LARGE1: variants seen among roughly 807,000 people sequenced by gnomAD.
The protein encoded by LARGE1 is xylosyl- and glucuronyltransferase LARGE1.
Under a neutral mutation model 87.6 loss-of-function variants are expected in LARGE1, and 43 were observed. The observed-to-expected ratio is 0.49, with a 90% CI of 0.38 to 0.63. The LOEUF is 0.63. Ranked by LOEUF, LARGE1 falls within the 30% of genes least tolerant of loss-of-function variation. LARGE1 has a pLI of 0.00. For synonymous variants in LARGE1, 434 were observed against 394.6 expected (o/e 1.10, Z -1.18); for missense variants, 802 against 1,000.2 (o/e 0.80, Z 2.67).
At chr22:33,294,198 C>A (rs139136848) in intron 12 of LARGE1, among the ~76,000 whole-genome samples, 1 of 152,216 alleles carries the variant, frequency 6.6e-6, no homozygotes, top group Non-Finnish European at 1.5e-5. Flanking sequence ...GACTTCTTTG[C>A]GGTGTTGCAA....
chr22:33,384,859 T>A (rs576794144), intron 7 of LARGE1, among the ~76,000 whole-genome samples: 2 of 149,128 alleles, frequency 1.3e-5, no homozygotes, highest in East Asian at 3.9e-4. Context: ...CCTGTGTTTT[T>A]CCCCAGAGAT....
At chr22:33,221,067 C>T (rs540008102) in intron 11 of LARGE1, among the ~76,000 whole-genome samples, 21 of 152,234 alleles carry the variant, frequency 1.4e-4, no homozygotes, top group African/African-American at 4.8e-4. Context: ...ACACCCTCCC[C>T]AGACACACCT....
intron 1 of LARGE1, among the ~76,000 whole-genome samples, chr22:33,785,714 T>G (rs2085620244): frequency 6.6e-6 from 1 of 152,228 alleles, no homozygotes; most frequent in South Asian, 2.1e-4. Context: ...TGAGTTTGTC[T>G]GCCAGATGAG....
chr22:33,825,887 A>T (rs1300759060), intron 1 of LARGE1, among the ~76,000 whole-genome samples: 2 of 152,058 alleles, frequency 1.3e-5, no homozygotes, highest in Admixed American at 1.3e-4. Context: ...TGGATGTGGG[A>T]AGGCGTTATA....
chr22:33,147,623 T>C, the LARGE1 span, among the ~76,000 whole-genome samples: 5 of 152,188 alleles, frequency 3.3e-5, no homozygotes, highest in Admixed American at 2.0e-4. Context: ...TACATATATG[T>C]GATCCAATTA....
intron 11 of LARGE1, among the ~76,000 whole-genome samples, chr22:33,190,634 G>A (rs5994692): frequency 0.032 from 4,816 of 152,140 alleles, 261 homozygotes; most frequent in African/African-American, 0.11. Context: ...GAAGACAATG[G>A]GCTAGAAGGG....
At chr22:33,199,205 GT>G (rs572564149) in intron 11 of LARGE1, among the ~76,000 whole-genome samples, 6 of 98,984 alleles carry the variant, frequency 6.1e-5, no homozygotes, top group East Asian at 2.3e-4. Context: ...GCTGTTTGAG[GT>G]TTTTTTTTTT....
At chr22:33,859,107 T>C (rs2063839810) in intron 1 of LARGE1, among the ~76,000 whole-genome samples, 1 of 152,046 alleles carries the variant, frequency 6.6e-6, no homozygotes, top group South Asian at 2.1e-4. Context: ...GGTTGATGGG[T>C]GCAGCAAACC....
intron 5 of LARGE1, among the ~76,000 whole-genome samples, chr22:33,593,728 C>G (rs911035254): frequency 7.2e-5 from 11 of 152,112 alleles, no homozygotes; most frequent in Non-Finnish European, 1.3e-4. Flanking sequence ...CAGTAATTCT[C>G]AAAATACTGA....
intron 2 of LARGE1, among the ~76,000 whole-genome samples, chr22:33,751,561 C>T (rs1293858533): frequency 1.3e-5 from 2 of 151,782 alleles, no homozygotes; most frequent in Non-Finnish European, 2.9e-5. Context: ...TTCCTTGGGG[C>T]CTGCCCCAGT....
In LARGE1 at chr22:33,273,716, G is replaced by T. The variant is rs1026481686; in HGVS notation, c.*711C>A. 1.0e-5 allele frequency: 4 copies of T among 398,498 alleles called. No individual in the cohort carries two copies. The highest frequency in any genetic ancestry group is 2.1e-5 in the African/African-American group (1 of 48,596). 24.7% of individuals were successfully genotyped at this position (398,498 alleles called of 1,614,324 possible). On this transcript the variant is annotated 3_prime_UTR_variant, in exon 15 of 15. Transcript: ENST00000397394. Reference sequence around the variant, plus strand: ...TCCTGGGCCACTGCTGATAGAGGGTGGTTGGTAGAGGCAGCTGATTTTCCT... The same window carrying T: ...TCCTGGGCCACTGCTGATAGAGGGTTGTTGGTAGAGGCAGCTGATTTTCCT...
At chr22:33,231,423 C>A (rs528670457) in intron 11 of LARGE1, among the ~76,000 whole-genome samples, 4 of 152,300 alleles carry the variant, frequency 2.6e-5, no homozygotes, top group African/African-American at 7.2e-5. Flanking sequence ...TGACACATTT[C>A]ATAGGGCACT....
intron 11 of LARGE1, among the ~76,000 whole-genome samples, chr22:33,191,855 A>T (rs1923797852): frequency 6.6e-6 from 1 of 152,228 alleles, no homozygotes; most frequent in African/African-American, 2.4e-5. Context: ...CATATTTCTT[A>T]TGATGTGTTC....
At chr22:33,783,825 C>G (rs996976853) in intron 1 of LARGE1, among the ~76,000 whole-genome samples, 3 of 152,010 alleles carry the variant, frequency 2.0e-5, no homozygotes, top group Non-Finnish European at 4.4e-5. Context: ...CTCTAACTTC[C>G]CTGGTGGTTA....
At chr22:33,655,998 CT>C (rs2080948882) in intron 2 of LARGE1, among the ~76,000 whole-genome samples, 1 of 151,952 alleles carries the variant, frequency 6.6e-6, no homozygotes, top group African/African-American at 2.4e-5. Context: ...AGGCAAAATA[CT>C]TAACTTTTCT....
At chr22:33,730,119 C>T (rs188414763) in intron 2 of LARGE1, among the ~76,000 whole-genome samples, 75 of 152,190 alleles carry the variant, frequency 4.9e-4, no homozygotes, top group Non-Finnish European at 6.5e-4. Context: ...CTCTGCCACC[C>T]CTGAGACAGC....
intron 11 of LARGE1, among the ~76,000 whole-genome samples, chr22:33,183,134 T>A (rs1040515244): frequency 1.3e-5 from 2 of 151,860 alleles, no homozygotes; most frequent in Non-Finnish European, 2.9e-5. Context: ...CTCATCTCAA[T>A]AGCAGAAAAG....
chr22:33,159,205 C>T (rs1921948740), downstream of LARGE1, among the ~76,000 whole-genome samples: 1 of 152,172 alleles, frequency 6.6e-6, no homozygotes, highest in Non-Finnish European at 1.5e-5. Flanking sequence ...TCTCCACATT[C>T]TCTAATTGTC....
intron 6 of LARGE1, among the ~76,000 whole-genome samples, chr22:33,531,346 CAGG>C (rs551125673): frequency 0.029 from 4,349 of 152,208 alleles, 87 homozygotes; most frequent in South Asian, 0.077. Flanking sequence ...TTAGTAGAGA[CAGG>C]GTTTCACCAC....
Sources: gnomAD v4.1 joint callset for allele counts (sites outside exome capture counted in the v4.1 genomes callset) on GRCh38, gnomAD v4.1.1 for gene constraint, MANE v1.5 for transcripts, NCBI Gene and HGNC (gene_info 2026-07-23, HGNC 2026-07-21) for gene names.